The following TUT4 variants were observed in gnomAD, a reference collection of about 807,000 sequenced individuals.
TUT4 encodes terminal uridylyl transferase 4.
TUT4 carries 36 observed loss-of-function variants against 192.2 expected under a neutral mutation model. The observed-to-expected ratio is 0.19, with a 90% CI of 0.14 to 0.25. TUT4 has a LOEUF of 0.25. Ranked by LOEUF, TUT4 falls within the 10% of genes least tolerant of loss-of-function variation. The probability of loss-of-function intolerance (pLI) is 1.00; values close to 1 mark genes in which losing one functional copy is unlikely to be tolerated. For missense variants in TUT4, 1,493 were observed against 1,957.2 expected, an observed-to-expected ratio of 0.76 and a Z score of 4.47; for synonymous variants, 618 against 666.0, an observed-to-expected ratio of 0.93 and a Z score of 1.11.
intron 20 of TUT4, among the ~76,000 whole-genome samples, chr1:52,450,239 C>G (rs1658957561): frequency 1.3e-5 from 2 of 152,142 alleles, no homozygotes; most frequent in Non-Finnish European, 2.9e-5. Context: ...TATCCTTACC[C>G]TTAAAAGATA....
chr1:52,484,395 A>G (rs897517825), intron 9 of TUT4, among the ~76,000 whole-genome samples: 5 of 151,232 alleles, frequency 3.3e-5, no homozygotes, highest in Non-Finnish European at 7.4e-5. Context: ...AATAACACAC[A>G]GTTTGTATAA....
chr1:52,495,399 C>G, intron 6 of TUT4, 28 bp downstream of exon 6: 1 of 1,418,912 alleles, frequency 7.0e-7, no homozygotes. Context: ...TAGTTAAGAA[C>G]CACACAGGAA....
chr1:52,508,524 T>C (rs1676251684), intron 4 of TUT4, among the ~76,000 whole-genome samples: 1 of 152,110 alleles, frequency 6.6e-6, no homozygotes, highest in African/African-American at 2.4e-5. Context: ...GACACTGTCC[T>C]AAGGAACTCA....
chr1:52,448,544 G>C (rs1227163642), intron 20 of TUT4, among the ~76,000 whole-genome samples: 7 of 137,552 alleles, frequency 5.1e-5, no homozygotes, highest in African/African-American at 1.9e-4. Flanking sequence ...AGCTGAGATT[G>C]TGCCACTACA....
chr1:52,500,666 GCAGGAGAACTGCTTGAACT>G (rs1480939130), intron 4 of TUT4, among the ~76,000 whole-genome samples: 3 of 152,208 alleles, frequency 2.0e-5, no homozygotes, highest in African/African-American at 7.2e-5. Flanking sequence ...GGAGACTGAG[GCAGGAGAACTGCTTGAACT>G]CAGGAGGCGG....
intron 28 of TUT4, among the ~76,000 whole-genome samples, chr1:52,428,773 G>A (rs563972818): frequency 1.3e-5 from 2 of 152,106 alleles, no homozygotes; most frequent in South Asian, 4.1e-4. Context: ...CCTGGCAACA[G>A]AGCGAGACTG....
chr1:52,508,500 A>G (rs555764937), intron 4 of TUT4, among the ~76,000 whole-genome samples: 1 of 152,306 alleles, frequency 6.6e-6, no homozygotes, highest in South Asian at 2.1e-4. Context: ...TATGTTGAGC[A>G]CCTACTGTTG....
chr1:52,513,504 G>A (rs1045553831), intron 3 of TUT4, among the ~76,000 whole-genome samples: 2 of 149,702 alleles, frequency 1.3e-5, no homozygotes, highest in Non-Finnish European at 3.0e-5. Context: ...GAGGGCATGA[G>A]AAATAAAGAG....
chr1:52,537,301 C>T (rs1685193585), intron 1 of TUT4, among the ~76,000 whole-genome samples: 1 of 151,494 alleles, frequency 6.6e-6, no homozygotes, highest in South Asian at 2.1e-4. Flanking sequence ...ACAGATACTC[C>T]ATGCAAAGAG....
chr1:52,547,196 G>A (rs1688299428), intron 1 of TUT4, among the ~76,000 whole-genome samples: 1 of 148,642 alleles, frequency 6.7e-6, no homozygotes, highest in African/African-American at 2.5e-5. Context: ...AGAATATATT[G>A]AGTTCTTAAA....
At chr1:52,520,236 C>A (rs1394611298) in intron 2 of TUT4, among the ~76,000 whole-genome samples, 1 of 152,120 alleles carries the variant, frequency 6.6e-6, no homozygotes, top group East Asian at 1.9e-4. Flanking sequence ...TGTCACAGAT[C>A]GTGTAAGGCT....
intron 7 of TUT4, among the ~76,000 whole-genome samples, chr1:52,491,226 T>C (rs1489190307): frequency 2.6e-5 from 4 of 152,140 alleles, no homozygotes; most frequent in South Asian, 2.1e-4. Flanking sequence ...AAATTACCAA[T>C]GTAATTACAA....
chr1:52,498,905 TATATATATATATATATATATATATA>T (rs1673271562), intron 4 of TUT4, among the ~76,000 whole-genome samples: 2 of 2,014 alleles, frequency 9.9e-4, no homozygotes, highest in South Asian at 0.022. Context: ...AAAAAAATTA[TATATATATATATATATATATATATA>T]TATATATATA....
chr1:52,490,886 T>C, intron 7 of TUT4, 85 bp from the exon 8 acceptor site: 1 of 1,116,926 alleles, frequency 9.0e-7, no homozygotes, highest in Non-Finnish European at 1.3e-6. Context: ...AGTTTCCTTC[T>C]GAAAATTATT....
intron 1 of TUT4, among the ~76,000 whole-genome samples, chr1:52,551,847 A>T (rs142650203): frequency 6.6e-6 from 1 of 152,280 alleles, no homozygotes; most frequent in Non-Finnish European, 1.5e-5. Context: ...CAGAAACAGG[A>T]TATGTTCTGT....
rs566131489 is a variant in TUT4, at chr1:52,453,360, T to C, written c.3435+4976A>G. Among the ~76,000 whole-genome samples, 63 of 150,850 alleles carry C rather than the reference T, an allele frequency of 4.2e-4. No individual in the cohort carries two copies. In the South Asian group the frequency reaches 0.013, roughly 30 times the overall value. ...TTGCAACACTGCACTCCAGCATGGG[T>C]GACAAGAGCGAAACTCCGTCTCAAA... On this transcript the variant is annotated intron_variant, in intron 20 of 29. Coordinates refer to ENST00000257177, the MANE Select transcript of TUT4 (RefSeq NM_001009881.3).
chr1:52,496,960 G>T (rs752093490), intron 5 of TUT4, 46 bp downstream of exon 5: 5 of 1,566,414 alleles, frequency 3.2e-6, no homozygotes, highest in Non-Finnish European at 4.4e-6. Context: ...AGGAGCAAGG[G>T]AAGAGTTTTG....
intron 5 of TUT4, 133 bp downstream of exon 5, chr1:52,496,873 T>C: frequency 2.3e-6 from 2 of 872,826 alleles, no homozygotes; most frequent in Non-Finnish European, 3.3e-6. Context: ...CAAAAATTCA[T>C]TCATAAAACA....
At chr1:52,449,084 G>GAC (rs142537086) in intron 20 of TUT4, among the ~76,000 whole-genome samples, 92 of 149,310 alleles carry the variant, frequency 6.2e-4, no homozygotes, top group Admixed American at 1.0e-3. Context: ...CACACACACA[G>GAC]ACACACACAC....
Sources: allele counts gnomAD v4.1 joint callset (sites outside exome capture counted in the v4.1 genomes callset), GRCh38; gene constraint gnomAD v4.1.1; transcripts MANE v1.5; gene names NCBI Gene and HGNC (gene_info 2026-07-23, HGNC 2026-07-21).